The following FNBP1L variants were observed in gnomAD, a reference collection of about 807,000 sequenced individuals.
FNBP1L encodes the protein formin binding protein 1 like.
A neutral mutation model predicts 91.2 loss-of-function variants in FNBP1L; 36 were observed. That is an observed-to-expected ratio of 0.39 (90% CI 0.30 to 0.52). The LOEUF (loss-of-function observed/expected upper bound fraction) is 0.52. Ranked by LOEUF, FNBP1L falls within the 20% of genes least tolerant of loss-of-function variation. The pLI is 0.66. For missense variants in FNBP1L, 571 were observed against 732.1 expected, an observed-to-expected ratio of 0.78 and a Z score of 2.54; for synonymous variants, 242 against 237.0, an observed-to-expected ratio of 1.02 and a Z score of -0.19.
At chr1:93,511,550 A>G (rs913578282) in intron 2 of FNBP1L, among the ~76,000 whole-genome samples, 1 of 152,226 alleles carries the variant, frequency 6.6e-6, no homozygotes, top group African/African-American at 2.4e-5. Context: ...GCATCAACTA[A>G]TGAGCAAAAT....
intron 1 of FNBP1L, among the ~76,000 whole-genome samples, chr1:93,459,548 G>A (rs1268261383): frequency 6.6e-6 from 1 of 152,148 alleles, no homozygotes; most frequent in Non-Finnish European, 1.5e-5. Context: ...CCTGTTATAG[G>A]ACTGTTACTA....
At chr1:93,513,620 C>T (rs1160255794) in intron 2 of FNBP1L, among the ~76,000 whole-genome samples, 8 of 151,818 alleles carry the variant, frequency 5.3e-5, no homozygotes, top group African/African-American at 1.9e-4. Context: ...TCAATATACG[C>T]AAATCAATAA....
At chr1:93,517,002 G>T (rs1570834605) in intron 2 of FNBP1L, among the ~76,000 whole-genome samples, 1 of 149,608 alleles carries the variant, frequency 6.7e-6, no homozygotes, top group Admixed American at 6.6e-5. Flanking sequence ...TCTTCACCCT[G>T]TTCTTCCTCT....
In FNBP1L at chr1:93,554,228, G is replaced by A. The variant is rs890479885; in HGVS notation, c.*1812G>A. On this transcript the variant is annotated 3_prime_UTR_variant, in exon 17 of 17. Transcript: ENST00000271234. The stretch of plus-strand genomic sequence containing the variant: ...ATCTAGTGCTATTTTTATTTTAAAG[G>A]TTAGCAATGAGGAGGAAATGTGATC... 1.3e-5 allele frequency: 2 copies of A among 152,624 alleles called. No homozygotes were observed. The highest frequency in any genetic ancestry group is 4.8e-5 in the African/African-American group (2 of 41,450). 9.5% of individuals were successfully genotyped at this position (152,624 alleles called of 1,614,324 possible). A position where few individuals can be genotyped will look rare whatever the true frequency, so the allele number is the denominator to read the frequency against.
chr1:93,511,906 C>T (rs1334923415), intron 2 of FNBP1L, among the ~76,000 whole-genome samples: 1 of 135,084 alleles, frequency 7.4e-6, no homozygotes, highest in African/African-American at 2.8e-5. Context: ...GCGGAGCTTG[C>T]AGTGAGCCGA....
At chr1:93,539,862 A>C (rs1671972029) in intron 10 of FNBP1L, among the ~76,000 whole-genome samples, 1 of 152,194 alleles carries the variant, frequency 6.6e-6, no homozygotes, top group Non-Finnish European at 1.5e-5. Flanking sequence ...ATCAGAGATA[A>C]GGGGTAGATA....
At chr1:93,509,016 T>C (rs1203202566) in intron 2 of FNBP1L, among the ~76,000 whole-genome samples, 2 of 152,090 alleles carry the variant, frequency 1.3e-5, no homozygotes, top group Non-Finnish European at 2.9e-5. Flanking sequence ...CAACAGAAAT[T>C]TTAGGATTGA....
chr1:93,458,465 A>G (rs1557773236), intron 1 of FNBP1L, among the ~76,000 whole-genome samples: 1 of 152,188 alleles, frequency 6.6e-6, no homozygotes, highest in Non-Finnish European at 1.5e-5. Flanking sequence ...GTCACACCAT[A>G]TACAAAAATC....
chr1:93,547,397 A>G lies in FNBP1L; in HGVS notation c.1458A>G (p.Arg486=). The G allele has an allele frequency of 6.4e-7, 1 of 1,562,110 alleles. No individual in the cohort carries two copies. The highest frequency in any genetic ancestry group is 8.7e-7 in the Non-Finnish European group (1 of 1,152,352). The change falls in exon 14 of 17, where the codon AGA becomes AGG. Residue 486 remains arginine, a synonymous_variant. Coordinates refer to ENST00000271234, the MANE Select transcript of FNBP1L (RefSeq NM_001164473.3). ...EGKTGGRGDR[R]HSSDINHLVT... ...AAACAGGTGGGAGAGGAGACAGAAG[A>G]CATAGCAGTGACATAAATCATCTTG...
intron 12 of FNBP1L, among the ~76,000 whole-genome samples, chr1:93,545,585 A>G (rs906308279): frequency 2.6e-5 from 4 of 152,138 alleles, no homozygotes; most frequent in Non-Finnish European, 4.4e-5. Flanking sequence ...TGTAGGTACT[A>G]CAGTCCCCAG....
At position 93,523,429 on chromosome 1, in the gene FNBP1L, G is replaced by A. The variant is rs199630728; in HGVS notation, c.280G>A (p.Ala94Thr). Residue 94 changes from alanine to threonine, a missense_variant, in exon 4 of 17, where the codon GCG (alanine) becomes ACG (threonine). Around this residue, in one of 5 missense-constraint regions of FNBP1L, gnomAD observed 220 missense variants for 313.6 expected, o/e 0.70. Coordinates refer to ENST00000271234, the MANE Select transcript of FNBP1L (RefSeq NM_001164473.3). ...GCGAGAAGTTGTAGCAGAAGAAATG[G>A]CGCACAGAGTGTATGGTGAATTAAT... is the stretch of plus-strand genomic sequence containing the variant. ...GQREVVAEEM[A>T]HRVYGELMRY... The A allele has an allele frequency of 7.6e-5, 122 of 1,610,354 alleles. No individual in the cohort carries two copies. The African/African-American group carries it at 1.6e-3, about 21-fold the overall frequency.
At chr1:93,504,129 G>A (rs1233880115) in intron 2 of FNBP1L, among the ~76,000 whole-genome samples, 1 of 152,180 alleles carries the variant, frequency 6.6e-6, no homozygotes, top group East Asian at 1.9e-4. Flanking sequence ...CTGGAACTGG[G>A]TGATTAAATT....
At chr1:93,491,123 T>A (rs1366762306) in intron 1 of FNBP1L, among the ~76,000 whole-genome samples, 2 of 151,676 alleles carry the variant, frequency 1.3e-5, no homozygotes, top group African/African-American at 2.4e-5. Flanking sequence ...TAAAAAATTA[T>A]TTTTTTTAGA....
At chr1:93,471,553 G>A (rs1020803280) in intron 1 of FNBP1L, among the ~76,000 whole-genome samples, 10 of 152,126 alleles carry the variant, frequency 6.6e-5, no homozygotes, top group South Asian at 2.1e-4. Flanking sequence ...TTAGCTGGGC[G>A]TGGTGGTGTG....
At chr1:93,464,229 A>G (rs1397493799) in intron 1 of FNBP1L, among the ~76,000 whole-genome samples, 1 of 152,196 alleles carries the variant, frequency 6.6e-6, no homozygotes, top group African/African-American at 2.4e-5. Context: ...GCATATACCC[A>G]AAGAATTGAA....
chr1:93,543,465 C>T (rs1384340455), intron 11 of FNBP1L, among the ~76,000 whole-genome samples: 1 of 152,086 alleles, frequency 6.6e-6, no homozygotes. Context: ...TGAAAATATA[C>T]ACTTGTTTGA....
chr1:93,542,715 A>G (rs1672088997), intron 11 of FNBP1L, among the ~76,000 whole-genome samples: 1 of 150,380 alleles, frequency 6.6e-6, no homozygotes, highest in Non-Finnish European at 1.5e-5. Context: ...TTGTTTTGAG[A>G]GCTCCTTTTA....
At chr1:93,537,631 A>G (rs1029614503) in intron 10 of FNBP1L, among the ~76,000 whole-genome samples, 8 of 152,082 alleles carry the variant, frequency 5.3e-5, no homozygotes, top group African/African-American at 1.9e-4. Context: ...CATCTGTCTT[A>G]CCTAATTCTA....
rs368371860 is a variant in FNBP1L at position 93,518,153 on chromosome 1, A to G, written c.141-3929A>G. On this transcript the variant is annotated intron_variant, in intron 2 of 16. Transcript: ENST00000271234. Reference sequence around the variant, plus strand: ...TTTCTTTAGAGTTCTAGTTTTTACTATATATCTCTACTGGGCATTTTTATT... The same window carrying G: ...TTTCTTTAGAGTTCTAGTTTTTACTGTATATCTCTACTGGGCATTTTTATT... Among the ~76,000 whole-genome samples the G allele has an allele frequency of 3.7e-4, 57 of 152,288 alleles. 1 individual carries two copies. The highest frequency in any genetic ancestry group is 2.9e-3 in the South Asian group (14 of 4,822).
Sources: allele counts gnomAD v4.1 joint callset (sites outside exome capture counted in the v4.1 genomes callset), GRCh38; gene constraint gnomAD v4.1.1; regional missense constraint gnomAD v4.1.1; transcripts MANE v1.5; gene names NCBI Gene and HGNC (gene_info 2026-07-23, HGNC 2026-07-21).